Variants in EXOC3L4 observed in about 807,000 individuals in gnomAD.
EXOC3L4 encodes exocyst complex component 3-like protein 4.
In EXOC3L4, 62 loss-of-function variants were observed where a neutral mutation model predicts 69.7. The ratio of observed to expected loss-of-function variants is 0.89; its 90% CI spans 0.72 to 1.10. The LOEUF is 1.10. EXOC3L4 is among the 50% of genes least tolerant of loss of function. EXOC3L4 has a pLI of 0.00. For missense variants in EXOC3L4, 1,087 were observed against 1,034.8 expected, an observed-to-expected ratio of 1.05 and a Z score of -0.69; for synonymous variants, 502 against 464.2, an observed-to-expected ratio of 1.08 and a Z score of -1.05.
At chr14:103,096,790 C>T (rs980891915) in intron 1 of EXOC3L4, among the ~76,000 whole-genome samples, 14 of 152,122 alleles carry the variant, frequency 9.2e-5, no homozygotes, top group African/African-American at 2.9e-4. Flanking sequence ...GGCCAACGAC[C>T]GTCTAAGTGC....
At chr14:103,106,465 A>AG (rs1024884974) in intron 7 of EXOC3L4, among the ~76,000 whole-genome samples, 3 of 152,182 alleles carry the variant, frequency 2.0e-5, no homozygotes, top group Non-Finnish European at 4.4e-5. Context: ...GGTCACCTTC[A>AG]GGGGGCAGTT....
In EXOC3L4 at chr14:103,102,171, G is replaced by A; in HGVS notation, c.448G>A (p.Glu150Lys). Residue 150 changes from glutamate (E) to lysine (K), a missense_variant, in exon 3 of 12, where the codon GAA (glutamate) becomes AAA (lysine). Coordinates refer to ENST00000688303, the MANE Select transcript of EXOC3L4 (RefSeq NM_001077594.2). ...TGAACGGCAACTGCTGGCGGCCTTC[G>A]AACAGCTTCTGCGCCTGGAGACGCT... ...ITERQLLAAF[E>K]QLLRLETLLV... 2 of 1,604,436 alleles carry A rather than the reference G, an allele frequency of 1.2e-6. No homozygotes were observed. Among genetic ancestry groups the A allele is most frequent in the Non-Finnish European group, 1.7e-6 (2 of 1,176,102 alleles).
chr14:103,102,472 G>T lies in EXOC3L4; in HGVS notation c.749G>T (p.Arg250Leu). ...RWRQHWEEAV[R>L]RSAQERVRRP... The stretch of plus-strand genomic sequence containing the variant: ...CGCCAGCACTGGGAGGAGGCGGTGC[G>T]GCGAAGCGCTCAGGAGCGCGTGCGG... Residue 250 changes from arginine to leucine, a missense_variant, in exon 3 of 12, where the codon CGG (arginine) becomes CTG (leucine). Physicochemically the swap from Arg to Leu is moderately radical, Grantham distance 102. Coordinates refer to ENST00000688303, the MANE Select transcript of EXOC3L4 (RefSeq NM_001077594.2). 6.9e-7 allele frequency: 1 copy of T among 1,444,590 alleles called. No individual in the cohort carries two copies. Among genetic ancestry groups the T allele is most frequent in the Non-Finnish European group, 9.0e-7 (1 of 1,110,922 alleles). The allele number at this position is 1,444,590 out of a possible 1,614,324, so 89.5% of individuals were successfully genotyped here. A position where few individuals can be genotyped will look rare whatever the true frequency, so the allele number is the denominator to read the frequency against.
Position 103,102,244 on chromosome 14 carries a change from C to A in EXOC3L4, c.521C>A (p.Ala174Asp), listed in dbSNP as rs1462947775. 1 of 1,589,236 alleles carries A rather than the reference C, an allele frequency of 6.3e-7. No individual in the cohort carries two copies. Among genetic ancestry groups the A allele is most frequent in the Non-Finnish European group, 8.6e-7 (1 of 1,169,192 alleles). ...ASRTFEQDPT[A>D]FARRAMDVCL... ...CGCACCTTTGAGCAGGACCCTACGG[C>A]CTTCGCGCGGCGCGCTATGGACGTG... The change falls in exon 3 of 12, where the codon GCC (alanine) becomes GAC (aspartate). Residue 174 changes from alanine to aspartate, a missense_variant. Physicochemically the swap from Ala to Asp is moderately radical, Grantham distance 126. Coordinates refer to ENST00000688303, the MANE Select transcript of EXOC3L4 (RefSeq NM_001077594.2).
chr14:103,102,591 C>T lies in EXOC3L4; in HGVS notation c.868C>T (p.Leu290=), dbSNP rs996225502. 2 of 1,480,538 alleles carry T rather than the reference C, an allele frequency of 1.4e-6. No homozygotes were observed. The highest frequency in any genetic ancestry group is 4.6e-5 in the Admixed American group (2 of 43,104). 91.7% of individuals were successfully genotyped at this position (1,480,538 alleles called of 1,614,324 possible). A position where few individuals can be genotyped will look rare whatever the true frequency, so the allele number is the denominator to read the frequency against. ...GCTGGGTGGCTTGGTTCGCCGCGACCTGCAGAAGGTGCGGCAGGAGGTGCA... is the reference window on the plus strand; with the variant it reads ...GCTGGGTGGCTTGGTTCGCCGCGACTTGCAGAAGGTGCGGCAGGAGGTGCA... The part of the protein sequence containing the change: ...AELGGLVRRD[L]QKVRQEVQPA... The change falls in exon 3 of 12, where the codon CTG becomes TTG. Residue 290 remains leucine, a synonymous_variant. Coordinates refer to ENST00000688303, the MANE Select transcript of EXOC3L4 (RefSeq NM_001077594.2).
In EXOC3L4 at chr14:103,100,604, C is replaced by T. The variant is rs766367038; in HGVS notation, c.385C>T (p.Pro129Ser). ...TGGGGCAGCGTCTGAGGAACTGAAA[C>T]CCGAGGCAGGTAAGGGCCTCAGAAA... is the stretch of plus-strand genomic sequence containing the variant. The part of the protein sequence containing the change: ...STGAASEELK[P>S]EAEGKSVADL... The change falls in exon 2 of 12, where the codon CCC (proline) becomes TCC (serine). Residue 129 changes from proline to serine, a missense_variant. Coordinates refer to ENST00000688303, the MANE Select transcript of EXOC3L4 (RefSeq NM_001077594.2). 1.2e-6 allele frequency: 2 copies of T among 1,602,480 alleles called. No homozygotes were observed. The highest frequency in any genetic ancestry group is 8.5e-7 in the Non-Finnish European group (1 of 1,171,618).
chr14:103,110,350 T>C lies in EXOC3L4; in HGVS notation c.*127T>C, dbSNP rs1890866634. ...TGACACTGCAGTTAGGGAATTTTTGTCGTCAGCAGCCAAGCGCAGCTGTCA... is the reference window on the plus strand; with the variant it reads ...TGACACTGCAGTTAGGGAATTTTTGCCGTCAGCAGCCAAGCGCAGCTGTCA... On this transcript the variant is annotated 3_prime_UTR_variant, in exon 12 of 12. Transcript: ENST00000688303. The C allele has an allele frequency of 8.5e-7, 1 of 1,170,446 alleles. No homozygotes were observed. The highest frequency in any genetic ancestry group is 1.2e-6 in the Non-Finnish European group (1 of 815,696). 72.5% of individuals were successfully genotyped at this position (1,170,446 alleles called of 1,614,324 possible). A position where few individuals can be genotyped will look rare whatever the true frequency, so the allele number is the denominator to read the frequency against.
intron 1 of EXOC3L4, among the ~76,000 whole-genome samples, chr14:103,098,399 T>G (rs1458858807): frequency 6.7e-6 from 1 of 150,168 alleles, no homozygotes; most frequent in Non-Finnish European, 1.5e-5. Flanking sequence ...CCAGCCTGAG[T>G]GCGCGGCCAG....
chr14:103,107,495 G>A lies in EXOC3L4; in HGVS notation c.1653G>A (p.Val551=), dbSNP rs369814085. 275 of 1,613,684 alleles carry A rather than the reference G, an allele frequency of 1.7e-4. No homozygotes were observed. Among genetic ancestry groups the A allele is most frequent in the Non-Finnish European group, 2.3e-4 (267 of 1,180,022 alleles). ...GGCTGCATCCCCTCATGGACAAGGT[G>A]GTGACCTTCGCCGGTCATCTCCAGC... is the stretch of plus-strand genomic sequence containing the variant. ...QDWLHPLMDK[V]VTFAGHLQRV... Residue 551 remains valine (V), a synonymous_variant, in exon 9 of 12, where the codon GTG becomes GTA. Coordinates refer to ENST00000688303, the MANE Select transcript of EXOC3L4 (RefSeq NM_001077594.2).
intron 10 of EXOC3L4, among the ~76,000 whole-genome samples, chr14:103,108,001 G>A (rs1457369112): frequency 2.0e-5 from 3 of 152,176 alleles, no homozygotes; most frequent in African/African-American, 7.2e-5. Flanking sequence ...GCAGGGGTGC[G>A]GGGAAGGGGC....
rs1890125172 is a variant in EXOC3L4 at position 103,100,548 on chromosome 14, T to C, written c.329T>C (p.Val110Ala). The C allele has an allele frequency of 2.5e-6, 4 of 1,611,920 alleles. No individual in the cohort carries two copies. The East Asian group carries it at 8.9e-5, about 36-fold the overall frequency. ...SQATPEVPSG[V>A]MNGVSQQAST... ...GCCACTCCTGAGGTGCCCTCGGGGG[T>C]CATGAATGGTGTCAGCCAGCAGGCA... The change falls in exon 2 of 12, where the codon GTC becomes GCC. Residue 110 changes from valine to alanine, a missense_variant. Val to Ala is a moderately conservative substitution (Grantham distance 64). Coordinates refer to ENST00000688303, the MANE Select transcript of EXOC3L4 (RefSeq NM_001077594.2).
intron 6 of EXOC3L4, 27 bp downstream of exon 6, chr14:103,104,865 C>T (rs1287509115): frequency 1.3e-6 from 2 of 1,515,132 alleles, no homozygotes; most frequent in South Asian, 1.3e-5. Context: ...AGTAGGGGAG[C>T]GACCTGGCCG....
At chr14:103,108,260 C>G (rs527782307) in intron 10 of EXOC3L4, 136 bp from the exon 11 acceptor site, 2 of 1,347,754 alleles carry the variant, frequency 1.5e-6, no homozygotes, top group East Asian at 2.3e-5. Context: ...GAGGCAGTCC[C>G]GGCACCGAGC....
Position 103,100,468 on chromosome 14 carries a change from G to A in EXOC3L4, c.249G>A (p.Leu83=). Residue 83 remains leucine, a synonymous_variant, in exon 2 of 12, where the codon CTG becomes CTA. Coordinates refer to ENST00000688303, the MANE Select transcript of EXOC3L4 (RefSeq NM_001077594.2). The part of the protein sequence containing the change: ...TGLFRRSSCS[L]FRSFRQALND... The stretch of plus-strand genomic sequence containing the variant: ...TGTTCCGGCGAAGCTCCTGCTCCCT[G>A]TTCCGGTCCTTCCGGCAAGCCCTGA... 4 of 1,613,438 alleles carry A rather than the reference G, an allele frequency of 2.5e-6. 1 individual carries two copies. In the South Asian group the frequency reaches 3.3e-5, roughly 13 times the overall value.
chr14:103,110,216 G>A lies in EXOC3L4; in HGVS notation c.2162G>A (p.Cys721Tyr). ...VPSAMAVLIT[C>Y]V ...AGTGCCATGGCTGTGCTGATCACCT[G>A]CGTCTAGTTCTCTCTGGCTCGAGGG... Residue 721 changes from cysteine (C) to tyrosine (Y), a missense_variant, in exon 12 of 12, where the codon TGC (cysteine) becomes TAC (tyrosine). Coordinates refer to ENST00000688303, the MANE Select transcript of EXOC3L4 (RefSeq NM_001077594.2). 1 of 1,507,484 alleles carries A rather than the reference G, an allele frequency of 6.6e-7. No individual in the cohort carries two copies. Among genetic ancestry groups the A allele is most frequent in the East Asian group, 2.5e-5 (1 of 40,452 alleles). 93.4% of individuals were successfully genotyped at this position (1,507,484 alleles called of 1,614,324 possible). A position where few individuals can be genotyped will look rare whatever the true frequency, so the allele number is the denominator to read the frequency against.
chr14:103,105,064 G>A lies in EXOC3L4; in HGVS notation c.1458G>A (p.Glu486=). The A allele has an allele frequency of 1.2e-6, 2 of 1,610,366 alleles. No homozygotes were observed. The highest frequency in any genetic ancestry group is 1.7e-6 in the Non-Finnish European group (2 of 1,177,304). ...PHLGAYINAC[E]ELRTSLLSRF... is the part of the protein sequence containing the mutation. ...TGGGCGCCTACATCAACGCCTGCGA[G>A]GAGCTCAGGTAGGGCTCGCCCGCTC... The change falls in exon 7 of 12, where the codon GAG becomes GAA. Residue 486 remains glutamate (E), a synonymous_variant. Transcript: ENST00000688303.
At position 103,097,355 on chromosome 14, in the gene EXOC3L4, C is replaced by T. The variant is rs762076947; in HGVS notation, c.-17+2515C>T. On this transcript the variant is annotated intron_variant, in intron 1 of 11. Transcript: ENST00000688303. The surrounding 1 kb of genome is among the most constrained non-coding windows in gnomAD (Gnocchi z 4.9). ...GAGCGGCAGCATAGGAGCCGGGGCC[C>T]CCTGGACTCTCCGGGCACTGGGGAC... Among the ~76,000 whole-genome samples the T allele has an allele frequency of 1.2e-4, 18 of 152,086 alleles. No individual in the cohort carries two copies. Among genetic ancestry groups the T allele is most frequent in the Non-Finnish European group, 2.2e-4 (15 of 67,996 alleles).
intron 5 of EXOC3L4, 32 bp downstream of exon 5, chr14:103,104,421 C>T (rs754391658): frequency 2.0e-6 from 3 of 1,524,802 alleles, no homozygotes; most frequent in African/African-American, 2.8e-5. Flanking sequence ...TGAGAAGGGG[C>T]GTCTGTTCAA....
Position 103,100,047 on chromosome 14 carries a change from C to T in EXOC3L4, c.-16-157C>T, listed in dbSNP as rs569352851. The T allele has an allele frequency of 1.3e-4, 100 of 786,838 alleles. No individual in the cohort carries two copies. In the East Asian group the frequency reaches 1.7e-3, roughly 13 times the overall value. 48.7% of individuals were successfully genotyped at this position (786,838 alleles called of 1,614,324 possible). ...TGCGGCCTGGCACACTGAGGGCTCT[C>T]GCCAAGAGAGTGGCCTGGTGATGCT... On this transcript the variant is annotated intron_variant, in intron 1 of 11. Coordinates refer to ENST00000688303, the MANE Select transcript of EXOC3L4 (RefSeq NM_001077594.2).
Sources: allele counts gnomAD v4.1 joint callset (sites outside exome capture counted in the v4.1 genomes callset), GRCh38; gene constraint gnomAD v4.1.1; non-coding constraint Gnocchi (gnomAD v3.1); transcripts MANE v1.5; gene names NCBI Gene and HGNC (gene_info 2026-07-23, HGNC 2026-07-21).